Variants in SLC10A7 observed in about 807,000 individuals in gnomAD.
SLC10A7 encodes sodium/bile acid cotransporter 7.
A neutral mutation model predicts 43.2 loss-of-function variants in SLC10A7; 29 were observed. The ratio of observed to expected loss-of-function variants is 0.67; its 90% CI spans 0.50 to 0.92. The LOEUF (loss-of-function observed/expected upper bound fraction) is 0.92. SLC10A7 is among the 40% of genes least tolerant of loss of function. The pLI is 0.00. For missense variants in SLC10A7, 295 were observed against 403.2 expected (o/e 0.73, Z 2.30); for synonymous variants, 152 against 144.8 (o/e 1.05, Z -0.35).
intron 5 of SLC10A7, among the ~76,000 whole-genome samples, chr4:146,424,835 T>C (rs190938168): frequency 6.6e-6 from 1 of 152,198 alleles, no homozygotes; most frequent in Non-Finnish European, 1.5e-5. Context: ...AAGTTGTATT[T>C]ATTTTCCTGG....
chr4:146,403,147 A>G (rs986392008), intron 5 of SLC10A7, among the ~76,000 whole-genome samples: 4 of 152,154 alleles, frequency 2.6e-5, no homozygotes, highest in African/African-American at 9.7e-5. Flanking sequence ...TCTTTGTTAT[A>G]TTGAAGTTTT....
At chr4:146,264,522 G>A (rs766639342) in intron 10 of SLC10A7, among the ~76,000 whole-genome samples, 4 of 152,124 alleles carry the variant, frequency 2.6e-5, no homozygotes, top group Non-Finnish European at 4.4e-5. Flanking sequence ...CTATATGTGA[G>A]TTACTGGTCT....
At chr4:146,450,439 C>A (rs1731482069) in intron 4 of SLC10A7, among the ~76,000 whole-genome samples, 1 of 152,030 alleles carries the variant, frequency 6.6e-6, no homozygotes, top group Admixed American at 6.6e-5. Context: ...GTCCTAGAAC[C>A]AATACCCCAC....
intron 9 of SLC10A7, among the ~76,000 whole-genome samples, chr4:146,288,912 A>G (rs1420076835): frequency 1.3e-5 from 2 of 152,100 alleles, no homozygotes; most frequent in Non-Finnish European, 2.9e-5. Flanking sequence ...AAAGCTTTCA[A>G]TCAGTGTTTT....
At position 146,509,944 on chromosome 4, in the gene SLC10A7, T is replaced by A. The variant is rs760797005; in HGVS notation, c.289A>T (p.Ile97Phe). The A allele has an allele frequency of 6.2e-7, 1 of 1,613,598 alleles. No individual in the cohort carries two copies. Among genetic ancestry groups the A allele is most frequent in the South Asian group, 1.1e-5 (1 of 90,980 alleles). ...TIWLFLQLLS[I>F]TPINEWLLKG... Reference sequence around the variant, plus strand: ...AAAAGCCATTCGTTGATGGGTGTGATTGATAAAAGCTGAAGAAAAAGCCAT... The same window carrying A: ...AAAAGCCATTCGTTGATGGGTGTGAATGATAAAAGCTGAAGAAAAAGCCAT... The change falls in exon 3 of 12, where the codon ATC becomes TTC. Residue 97 changes from isoleucine (I) to phenylalanine (F), a missense_variant. This residue lies in a region of SLC10A7 where 242 missense variants were observed against 362.5 expected (regional missense o/e 0.67). Transcript: ENST00000335472.
chr4:146,459,178 T>C (rs1011387313), intron 4 of SLC10A7, among the ~76,000 whole-genome samples: 6 of 151,780 alleles, frequency 4.0e-5, no homozygotes, highest in African/African-American at 1.4e-4. Flanking sequence ...CTAAAGGTTA[T>C]AAAACACTGA....
At chr4:146,282,247 AATTTCTAAAT>A (rs1729599988) in intron 10 of SLC10A7, among the ~76,000 whole-genome samples, 1 of 152,186 alleles carries the variant, frequency 6.6e-6, no homozygotes, top group African/African-American at 2.4e-5. Flanking sequence ...GGGTTTGTCC[AATTTCTAAAT>A]CATGTTCCAA....
At chr4:146,520,270 T>TA (rs1738501096) in intron 1 of SLC10A7, among the ~76,000 whole-genome samples, 1 of 53,550 alleles carries the variant, frequency 1.9e-5, no homozygotes, top group South Asian at 1.1e-3. Flanking sequence ...GCTCCGGGGA[T>TA]AGGGGGTCTT....
chr4:146,313,979 G>A (rs1474826620), intron 6 of SLC10A7, among the ~76,000 whole-genome samples: 1 of 152,080 alleles, frequency 6.6e-6, no homozygotes, highest in Non-Finnish European at 1.5e-5. Flanking sequence ...AAAAGTAATT[G>A]TGTGCTGATA....
At chr4:146,384,120 C>T (rs1298354858) in intron 5 of SLC10A7, among the ~76,000 whole-genome samples, 1 of 152,058 alleles carries the variant, frequency 6.6e-6, no homozygotes, top group Non-Finnish European at 1.5e-5. Flanking sequence ...AAATTATATT[C>T]CTGCTCTCAA....
At chr4:146,437,375 C>T (rs906049439) in intron 5 of SLC10A7, among the ~76,000 whole-genome samples, 1 of 151,994 alleles carries the variant, frequency 6.6e-6, no homozygotes, top group Admixed American at 6.6e-5. Context: ...CCAGGATGGG[C>T]CATTTAAAAT....
At chr4:146,423,267 C>G (rs537010558) in intron 5 of SLC10A7, among the ~76,000 whole-genome samples, 18 of 152,192 alleles carry the variant, frequency 1.2e-4, no homozygotes, top group African/African-American at 4.3e-4. Context: ...ATTTCCTTTG[C>G]AACTAACTCC....
rs1187138606 is a variant in SLC10A7, at chr4:146,256,726, C to T, written c.994-206G>A. The T allele has an allele frequency of 4.7e-6, 5 of 1,064,822 alleles. No homozygotes were observed. In the African/African-American group the frequency reaches 7.9e-5, roughly 17 times the overall value. 66.0% of individuals were successfully genotyped at this position (1,064,822 alleles called of 1,614,324 possible). A position where few individuals can be genotyped will look rare whatever the true frequency, so the allele number is the denominator to read the frequency against. On this transcript the variant is annotated intron_variant, in intron 11 of 11. Coordinates refer to ENST00000335472, the MANE Select transcript of SLC10A7 (RefSeq NM_001029998.6). ...GCAGACTTTGTCATTTCCCCTCCCACACCTGGCCTGGCTACTCGTATGGTT... is the reference window on the plus strand; with the variant it reads ...GCAGACTTTGTCATTTCCCCTCCCATACCTGGCCTGGCTACTCGTATGGTT...
chr4:146,363,607 CA>C (rs968004027), intron 5 of SLC10A7, among the ~76,000 whole-genome samples: 1 of 152,012 alleles, frequency 6.6e-6, no homozygotes, highest in Non-Finnish European at 1.5e-5. Context: ...TGGTAGGCCA[CA>C]AACAAATCTC....
At chr4:146,296,144 GT>G (rs1390234487) in intron 7 of SLC10A7, among the ~76,000 whole-genome samples, 1 of 152,070 alleles carries the variant, frequency 6.6e-6, no homozygotes, top group African/African-American at 2.4e-5. Context: ...AATGTGTAGT[GT>G]TTGCATATAA....
chr4:146,442,598 G>C, intron 5 of SLC10A7, 185 bp downstream of exon 5: 1 of 1,438,392 alleles, frequency 7.0e-7, no homozygotes. Flanking sequence ...AAAATATATT[G>C]TAAGAGAACA....
At chr4:146,376,858 G>A (rs1019579954) in intron 5 of SLC10A7, among the ~76,000 whole-genome samples, 2 of 152,132 alleles carry the variant, frequency 1.3e-5, no homozygotes, top group East Asian at 1.9e-4. Flanking sequence ...TGGCTGGAAC[G>A]GGACCTCACA....
At chr4:146,370,379 AC>A (rs1183991522) in intron 5 of SLC10A7, among the ~76,000 whole-genome samples, 1 of 152,182 alleles carries the variant, frequency 6.6e-6, no homozygotes, top group African/African-American at 2.4e-5. Context: ...TTGGATAGAA[AC>A]CAGTCCTTTT....
At chr4:146,282,884 G>A (rs989754770) in intron 10 of SLC10A7, among the ~76,000 whole-genome samples, 1 of 152,088 alleles carries the variant, frequency 6.6e-6, no homozygotes, top group African/African-American at 2.4e-5. Flanking sequence ...CTATTTAGAA[G>A]TAGTTTCCAC....
Sources: gnomAD v4.1 joint callset for allele counts (sites outside exome capture counted in the v4.1 genomes callset) on GRCh38, gnomAD v4.1.1 for gene constraint, gnomAD v4.1.1 regional missense constraint, MANE v1.5 for transcripts, NCBI Gene and HGNC (gene_info 2026-07-23, HGNC 2026-07-21) for gene names.